The following AGBL1 variants were observed in gnomAD, a reference collection of about 807,000 sequenced individuals.
The protein encoded by AGBL1 is AGBL carboxypeptidase 1.
AGBL1 carries 130 observed loss-of-function variants against 118.9 expected under a neutral mutation model. The observed-to-expected ratio is 1.09, with a 90% CI of 0.95 to 1.26. The LOEUF (loss-of-function observed/expected upper bound fraction) is 1.26. Among genes scored for constraint, AGBL1 ranks in the 50% most tolerant of loss-of-function variants. The pLI, the probability that AGBL1 is intolerant of heterozygous loss-of-function variation, is 0.00. For synonymous variants in AGBL1, 555 were observed against 478.9 expected, an observed-to-expected ratio of 1.16 and a Z score of -2.08; for missense variants, 1,584 against 1,298.1, an observed-to-expected ratio of 1.22 and a Z score of -3.38.
chr15:86,932,357 A>G (rs1298433585), intron 23 of AGBL1, among the ~76,000 whole-genome samples: 1 of 152,248 alleles, frequency 6.6e-6, no homozygotes, highest in East Asian at 1.9e-4. Flanking sequence ...AGGGGTGTTC[A>G]GGCATTACTC....
chr15:86,850,684 T>C (rs1188840540), intron 22 of AGBL1, among the ~76,000 whole-genome samples: 2 of 152,164 alleles, frequency 1.3e-5, no homozygotes, highest in Admixed American at 1.3e-4. Context: ...AACTATAAAA[T>C]GGGAGTGATA....
chr15:86,425,789 G>A (rs2081859336), intron 18 of AGBL1, among the ~76,000 whole-genome samples: 1 of 152,130 alleles, frequency 6.6e-6, no homozygotes, highest in South Asian at 2.1e-4. Context: ...GGAGAGGTGG[G>A]CTCTGGGTGT....
intron 5 of AGBL1, among the ~76,000 whole-genome samples, chr15:86,204,486 TCCCTTCCCCTTC>T (rs147795031): frequency 6.0e-4 from 89 of 148,252 alleles, no homozygotes; most frequent in Admixed American, 1.7e-3. Flanking sequence ...TCCCTTCCTT[TCCCTTCCCCTTC>T]CCCTTCCCCT....
chr15:86,261,881 A>T (rs1369048071), intron 9 of AGBL1, among the ~76,000 whole-genome samples: 1 of 152,134 alleles, frequency 6.6e-6, no homozygotes, highest in Non-Finnish European at 1.5e-5. Context: ...GTACAAAGGG[A>T]TAAAGATGTA....
At chr15:86,800,184 G>T (rs1026153253) in intron 22 of AGBL1, among the ~76,000 whole-genome samples, 5 of 151,670 alleles carry the variant, frequency 3.3e-5, no homozygotes, top group Non-Finnish European at 7.4e-5. Flanking sequence ...TATTTTTTTT[G>T]TCGTAGATCC....
At chr15:86,598,482 A>C (rs2469176) in intron 21 of AGBL1, among the ~76,000 whole-genome samples, 130,215 of 151,908 alleles carry the variant, frequency 0.86, 56,824 homozygotes, top group East Asian at 0.99. Flanking sequence ...TCAATATTAA[A>C]AATGACATAG....
chr15:86,850,460 G>C (rs1290213037), intron 22 of AGBL1, among the ~76,000 whole-genome samples: 1 of 152,118 alleles, frequency 6.6e-6, no homozygotes, highest in Non-Finnish European at 1.5e-5. Flanking sequence ...CTTTGCCAAA[G>C]AACCAAGTAC....
chr15:86,464,191 C>G (rs1381883951), intron 18 of AGBL1, among the ~76,000 whole-genome samples: 1 of 152,122 alleles, frequency 6.6e-6, no homozygotes, highest in African/African-American at 2.4e-5. Flanking sequence ...ATTTTATTCT[C>G]TTTGTAGAAA....
chr15:86,928,261 G>A (rs1391587062), intron 23 of AGBL1, among the ~76,000 whole-genome samples: 1 of 152,142 alleles, frequency 6.6e-6, no homozygotes, highest in Non-Finnish European at 1.5e-5. Flanking sequence ...AGCAAAGAGA[G>A]GGCAGAGGAA....
intron 15 of AGBL1, among the ~76,000 whole-genome samples, chr15:86,279,362 A>T (rs2079309818): frequency 6.6e-6 from 1 of 152,120 alleles, no homozygotes; most frequent in South Asian, 2.1e-4. Flanking sequence ...TATAGCCCTC[A>T]TTTTCAGACA....
chr15:86,104,538 G>A (rs148537804), intron 1 of AGBL1, among the ~76,000 whole-genome samples: 3 of 152,128 alleles, frequency 2.0e-5, no homozygotes, highest in African/African-American at 7.2e-5. Flanking sequence ...GGCAATGGCT[G>A]TATGTGGGGG....
intron 18 of AGBL1, among the ~76,000 whole-genome samples, chr15:86,442,977 TG>T (rs2082081935): frequency 6.6e-6 from 1 of 152,156 alleles, no homozygotes. Flanking sequence ...GTAAAAGTGA[TG>T]GGGGCAGGAT....
intron 22 of AGBL1, among the ~76,000 whole-genome samples, chr15:86,722,001 C>A (rs950732933): frequency 2.4e-4 from 36 of 151,774 alleles, no homozygotes; most frequent in South Asian, 4.2e-4. Flanking sequence ...TCAAGGAAAT[C>A]AAAGAGGATA....
At chr15:86,270,143 G>A (rs541458466) in intron 14 of AGBL1, 76 bp downstream of exon 14, 10 of 1,518,470 alleles carry the variant, frequency 6.6e-6, no homozygotes, top group African/African-American at 1.4e-5. Flanking sequence ...GATTCAAAGA[G>A]CCTTTGCTTG....
intron 5 of AGBL1, among the ~76,000 whole-genome samples, chr15:86,200,407 T>C (rs945874390): frequency 4.6e-5 from 7 of 152,184 alleles, no homozygotes; most frequent in African/African-American, 1.7e-4. Context: ...CTATGGCATT[T>C]TTCTGTACAA....
In AGBL1 at chr15:86,804,785, A is replaced by G. The variant is rs116008545; in HGVS notation, c.3159-102302A>G. On this transcript the variant is annotated intron_variant, in intron 22 of 22. Transcript: ENST00000614907. The stretch of plus-strand genomic sequence containing the variant: ...TGAGGCCCTGAGTTTTTATGTCTGC[A>G]TAGAAGGAAAGCCACAGAGGATTTT... Among the ~76,000 whole-genome samples the G allele has an allele frequency of 2.5e-3, 376 of 152,304 alleles. 2 individuals are homozygous for G. The highest frequency in any genetic ancestry group is 8.4e-3 in the African/African-American group (351 of 41,578).
At chr15:86,937,773 C>T (rs549845301) in intron 23 of AGBL1, among the ~76,000 whole-genome samples, 15 of 152,316 alleles carry the variant, frequency 9.8e-5, no homozygotes, top group African/African-American at 3.6e-4. Flanking sequence ...ATGTGGCAAA[C>T]TTTCACATGT....
At chr15:86,310,360 G>C (rs2079901752) in intron 17 of AGBL1, among the ~76,000 whole-genome samples, 1 of 151,346 alleles carries the variant, frequency 6.6e-6, no homozygotes, top group Admixed American at 6.6e-5. Context: ...TTATTTTTTT[G>C]AAAAAGCAAC....
intron 5 of AGBL1, among the ~76,000 whole-genome samples, chr15:86,194,388 C>T (rs908973449): frequency 1.3e-5 from 2 of 152,160 alleles, no homozygotes; most frequent in African/African-American, 2.4e-5. Context: ...ATGTGGAGGG[C>T]GTCTTGGGAT....
Sources: gnomAD v4.1 joint callset for allele counts (sites outside exome capture counted in the v4.1 genomes callset) on GRCh38, gnomAD v4.1.1 for gene constraint, MANE v1.5 for transcripts, NCBI Gene and HGNC (gene_info 2026-07-23, HGNC 2026-07-21) for gene names.